Variants in MACC1 observed in about 807,000 individuals in gnomAD.
MACC1 encodes metastasis-associated in colon cancer protein 1.
In MACC1, 79 loss-of-function variants were observed where a neutral mutation model predicts 70.7. That is an observed-to-expected ratio of 1.12 (90% CI 0.93 to 1.35). The LOEUF (loss-of-function observed/expected upper bound fraction) is 1.35. Ranked by LOEUF, MACC1 falls within the 40% of genes most tolerant of loss-of-function variation. The probability of loss-of-function intolerance (pLI) is 0.00; values close to 1 mark genes in which losing one functional copy is unlikely to be tolerated. For synonymous variants in MACC1, 361 were observed against 347.2 expected, an observed-to-expected ratio of 1.04 and a Z score of -0.44; for missense variants, 1,106 against 978.1, an observed-to-expected ratio of 1.13 and a Z score of -1.74.
chr7:20,143,641 G>A lies in MACC1; in HGVS notation c.2347-2483C>T, dbSNP rs143888525. ...CCTGACCTCATGATCCGCCCGCCTCGGACTCGCAAAGTGCTGGGATTACAG... is the reference window on the plus strand; with the variant it reads ...CCTGACCTCATGATCCGCCCGCCTCAGACTCGCAAAGTGCTGGGATTACAG... On this transcript the variant is annotated intron_variant, in intron 6 of 6. Transcript: ENST00000400331. Among the ~76,000 whole-genome samples the A allele has an allele frequency of 5.9e-3, 889 of 151,736 alleles. 16 individuals carry two copies. The highest frequency in any genetic ancestry group is 0.02 in the African/African-American group (825 of 41,346).
chr7:20,215,257 A>G (rs1399646982), intron 1 of MACC1, among the ~76,000 whole-genome samples: 1 of 152,118 alleles, frequency 6.6e-6, no homozygotes, highest in Non-Finnish European at 1.5e-5. Flanking sequence ...CTCTTTAACT[A>G]TTTATGAGGT....
chr7:20,147,702 G>C (rs959503936), intron 6 of MACC1, among the ~76,000 whole-genome samples: 14 of 152,166 alleles, frequency 9.2e-5, no homozygotes, highest in African/African-American at 3.4e-4. Flanking sequence ...CTTGACACAA[G>C]ATTCCATTGA....
intron 6 of MACC1, 81 bp from the exon 7 acceptor site, chr7:20,141,239 G>A (rs1289143590): frequency 1.5e-5 from 14 of 916,126 alleles, no homozygotes; most frequent in Admixed American, 2.8e-5. Flanking sequence ...GATGTAAAAA[G>A]CCTCTTAAGA....
chr7:20,154,950 A>G (rs1295316130), intron 5 of MACC1, among the ~76,000 whole-genome samples: 1 of 151,792 alleles, frequency 6.6e-6, no homozygotes, highest in Non-Finnish European at 1.5e-5. Flanking sequence ...ATTGATGTTT[A>G]TAAGTTTAAA....
At chr7:20,201,857 G>A (rs1782838789) in intron 1 of MACC1, among the ~76,000 whole-genome samples, 2 of 152,162 alleles carry the variant, frequency 1.3e-5, no homozygotes, top group African/African-American at 2.4e-5. Flanking sequence ...TGCAAAATGT[G>A]AACCTTAACC....
intron 2 of MACC1, 139 bp downstream of exon 2, chr7:20,170,575 G>A (rs902508377): frequency 7.9e-5 from 12 of 152,182 alleles, no homozygotes; most frequent in Admixed American, 3.9e-4. Flanking sequence ...TTTAAAATTA[G>A]ATTTGTGTTA....
At chr7:20,186,770 C>A (rs1583403664) in intron 1 of MACC1, among the ~76,000 whole-genome samples, 1 of 151,894 alleles carries the variant, frequency 6.6e-6, no homozygotes, top group Non-Finnish European at 1.5e-5. Context: ...AATTTTAATA[C>A]CCAAACAAAT....
In MACC1 at chr7:20,138,631, A is replaced by G. The variant is rs1188592472; in HGVS notation, c.*2315T>C. On this transcript the variant is annotated 3_prime_UTR_variant, in exon 7 of 7. Transcript: ENST00000400331. ...AATGTGTATACATAATTATTTGGTCAGGCTGTGTTCCCTTATAATCAAATA... is the reference window on the plus strand; with the variant it reads ...AATGTGTATACATAATTATTTGGTCGGGCTGTGTTCCCTTATAATCAAATA... 6.6e-6 allele frequency: 1 copy of G among 151,908 alleles called. No homozygotes were observed. The highest frequency in any genetic ancestry group is 1.9e-4 in the East Asian group (1 of 5,180). 9.4% of individuals were successfully genotyped at this position (151,908 alleles called of 1,614,324 possible). A position where few individuals can be genotyped will look rare whatever the true frequency, so the allele number is the denominator to read the frequency against.
intron 6 of MACC1, among the ~76,000 whole-genome samples, chr7:20,145,733 A>G (rs1260977600): frequency 6.6e-6 from 1 of 152,218 alleles, no homozygotes; most frequent in African/African-American, 2.4e-5. Flanking sequence ...TTATGGAGTT[A>G]GGGCACAAAA....
chr7:20,159,221 G>C lies in MACC1; in HGVS notation c.1140C>G (p.Ile380Met), dbSNP rs376711792. Residue 380 changes from isoleucine (I) to methionine (M), a missense_variant, in exon 5 of 7, where the codon ATC becomes ATG. Coordinates refer to ENST00000400331, the MANE Select transcript of MACC1 (RefSeq NM_182762.4). The stretch of plus-strand genomic sequence containing the variant: ...TTAAAACAACAGTAAAACTGGGATG[G>C]ATATATTTGGGTCCATAAATTCCAA... ...TSIGIYGPKYIHPSFTVVLTV... is the reference protein window; with the variant it reads ...TSIGIYGPKYMHPSFTVVLTV... The C allele has an allele frequency of 1.1e-5, 17 of 1,613,904 alleles. No homozygotes were observed. In the African/African-American group the frequency reaches 2.0e-4, roughly 19 times the overall value.
chr7:20,198,846 T>C (rs1278044014), intron 1 of MACC1, among the ~76,000 whole-genome samples: 5 of 152,168 alleles, frequency 3.3e-5, no homozygotes, highest in African/African-American at 1.2e-4. Context: ...GTAACTTGAA[T>C]TGGCAAAACA....
Position 20,161,732 on chromosome 7 carries a change from T to C in MACC1, c.115+16A>G, listed in dbSNP as rs1454013962. ...TACTTACATGGACAAATCACAACAG[T>C]TATAAATTCCCATACCTGTAATATT... is the stretch of plus-strand genomic sequence containing the variant. On this transcript the variant is annotated intron_variant, in intron 4 of 6. Coordinates refer to ENST00000400331, the MANE Select transcript of MACC1 (RefSeq NM_182762.4). The C allele has an allele frequency of 6.7e-7, 1 of 1,483,270 alleles. No homozygotes were observed. 91.9% of individuals were successfully genotyped at this position (1,483,270 alleles called of 1,614,324 possible).
Position 20,159,548 on chromosome 7 carries a change from C to T in MACC1, c.813G>A (p.Pro271=), listed in dbSNP as rs766586901. ...GGTTGCCTAACATGATTTCCAACAA[C>T]GGGCTCACAGTGCACGAAAGATCAT... ...LNHDLSCTVS[P]LLEIMLGNLN... is the part of the protein sequence containing the mutation. The change falls in exon 5 of 7, where the codon CCG becomes CCA. Residue 271 remains proline (P), a synonymous_variant. Transcript: ENST00000400331. The T allele has an allele frequency of 4.8e-5, 77 of 1,613,994 alleles. No individual in the cohort carries two copies. Among genetic ancestry groups the T allele is most frequent in the Non-Finnish European group, 5.9e-5 (70 of 1,180,036 alleles).
chr7:20,175,234 A>G (rs950307940), intron 1 of MACC1, among the ~76,000 whole-genome samples: 1 of 152,028 alleles, frequency 6.6e-6, no homozygotes, highest in African/African-American at 2.4e-5. Context: ...TTGGTATATG[A>G]TGCAAAATTT....
chr7:20,148,953 A>C (rs1781934893), intron 6 of MACC1, among the ~76,000 whole-genome samples: 1 of 152,224 alleles, frequency 6.6e-6, no homozygotes, highest in Non-Finnish European at 1.5e-5. Context: ...AGCAAACAAA[A>C]GAATTAAGTA....
In MACC1 at chr7:20,159,237, T is replaced by C; in HGVS notation, c.1124A>G (p.Tyr375Cys). 1 of 1,613,892 alleles carries C rather than the reference T, an allele frequency of 6.2e-7. No individual in the cohort carries two copies. Among genetic ancestry groups the C allele is most frequent in the Non-Finnish European group, 8.5e-7 (1 of 1,179,980 alleles). Residue 375 changes from tyrosine to cysteine, a missense_variant, in exon 5 of 7, where the codon TAT becomes TGT. Tyr to Cys is a radical substitution (Grantham distance 194). Transcript: ENST00000400331. ...ACTGGGATGGATATATTTGGGTCCA[T>C]AAATTCCAATTGAGGTGGTTTTGTG... ...YIHKTTSIGI[Y>C]GPKYIHPSFT...
chr7:20,180,192 C>G (rs1583400033), intron 1 of MACC1, among the ~76,000 whole-genome samples: 1 of 152,214 alleles, frequency 6.6e-6, no homozygotes, highest in South Asian at 2.1e-4. Context: ...TGCCTGTAAT[C>G]CCAGCACTTT....
chr7:20,141,004 A>G lies in MACC1; in HGVS notation c.2501T>C (p.Leu834Pro), dbSNP rs768655721. Reference protein sequence around the residue: ...HWRELTGVLILVNSLEVLRVT... With the variant: ...HWRELTGVLIPVNSLEVLRVT... Reference sequence around the variant, plus strand: ...TCTCAAAACCTCCAAAGAATTTACTAGTATTAAAACTCCAGTTAATTCTCT... The same window carrying G: ...TCTCAAAACCTCCAAAGAATTTACTGGTATTAAAACTCCAGTTAATTCTCT... The change falls in exon 7 of 7, where the codon CTA (leucine) becomes CCA (proline). Residue 834 changes from leucine to proline, a missense_variant. Coordinates refer to ENST00000400331, the MANE Select transcript of MACC1 (RefSeq NM_182762.4). 6.2e-7 allele frequency: 1 copy of G among 1,614,048 alleles called. No individual in the cohort carries two copies. The highest frequency in any genetic ancestry group is 1.1e-5 in the South Asian group (1 of 91,064).
intron 2 of MACC1, among the ~76,000 whole-genome samples, chr7:20,165,413 C>G (rs1782198285): frequency 6.6e-6 from 1 of 152,152 alleles, no homozygotes; most frequent in Non-Finnish European, 1.5e-5. Context: ...TAGCCACTCT[C>G]ACTATCCCAC....
Sources: gnomAD v4.1 joint callset for allele counts (sites outside exome capture counted in the v4.1 genomes callset) on GRCh38, gnomAD v4.1.1 for gene constraint, MANE v1.5 for transcripts, NCBI Gene and HGNC (gene_info 2026-07-23, HGNC 2026-07-21) for gene names.